Variants in ZNF559 observed in about 807,000 individuals in gnomAD.
ZNF559 encodes the protein putative protein product of Nbla00121.
A neutral mutation model predicts 14.2 loss-of-function variants in ZNF559; 17 were observed. The ratio of observed to expected loss-of-function variants is 1.20; its 90% CI spans 0.82 to 1.80. The LOEUF is 1.80. ZNF559 is among the 40% of genes most tolerant of loss of function. ZNF559 has a pLI of 0.00. For synonymous variants in ZNF559, 244 were observed against 212.4 expected, an observed-to-expected ratio of 1.15 and a Z score of -1.29; for missense variants, 740 against 629.7, an observed-to-expected ratio of 1.18 and a Z score of -1.88.
chr19:9,337,097 C>G (rs1489598903), intron 2 of ZNF559, among the ~76,000 whole-genome samples: 1 of 152,140 alleles, frequency 6.6e-6, no homozygotes, highest in Non-Finnish European at 1.5e-5. Flanking sequence ...CAAACTGTTG[C>G]CAACTAGGGA....
chr19:9,327,593 C>G (rs2066689883), intron 2 of ZNF559, among the ~76,000 whole-genome samples: 1 of 152,312 alleles, frequency 6.6e-6, no homozygotes, highest in East Asian at 1.9e-4. Flanking sequence ...TCTCCTGAAC[C>G]TGTTTTTACA....
rs369449814 is a variant in ZNF559, at chr19:9,342,751, G to A, written c.1300G>A (p.Glu434Lys). ...LIRHLRSHSA[E>K]RPFECEECGK... ...TCGACATTTGAGAAGTCACAGTGCA[G>A]AAAGGCCTTTTGAATGTGAGGAATG... The change falls in exon 7 of 7, where the codon GAA becomes AAA. Residue 434 changes from glutamate (E) to lysine (K), a missense_variant. By Grantham distance (56) the Glu-to-Lys change is moderately conservative. Transcript: ENST00000603380. The A allele has an allele frequency of 6.8e-6, 11 of 1,614,068 alleles. No individual in the cohort carries two copies. The highest frequency in any genetic ancestry group is 2.7e-5 in the African/African-American group (2 of 74,928).
chr19:9,327,779 T>C (rs928188145), intron 2 of ZNF559, among the ~76,000 whole-genome samples: 2 of 152,150 alleles, frequency 1.3e-5, no homozygotes, highest in African/African-American at 4.8e-5. Flanking sequence ...CACTGTATTA[T>C]AATCAATTCC....
At chr19:9,325,165 C>T (rs1599272555) in intron 2 of ZNF559, among the ~76,000 whole-genome samples, 2 of 152,068 alleles carry the variant, frequency 1.3e-5, no homozygotes, top group African/African-American at 2.4e-5. Flanking sequence ...TTACTGAGGG[C>T]GGGGCAAGGT....
chr19:9,324,038 C>A (rs115157305), upstream of ZNF559: 1,132 of 956,816 alleles, frequency 1.2e-3, 2 homozygotes, highest in Non-Finnish European at 1.5e-3. Flanking sequence ...GTGACACTTG[C>A]GCTCTTCGGG....
chr19:9,338,481 T>C lies in ZNF559; in HGVS notation c.-56-13T>C. On this transcript the variant is annotated splice_polypyrimidine_tract_variant and intron_variant, in intron 3 of 6. Transcript: ENST00000603380. Reference sequence around the variant, plus strand: ...GCAGCCTGGATTCTCAGATTTTATTTCTTCTTCTTAAGATCATCTTTCTCA... The same window carrying C: ...GCAGCCTGGATTCTCAGATTTTATTCCTTCTTCTTAAGATCATCTTTCTCA... 1 of 1,605,900 alleles carries C rather than the reference T, an allele frequency of 6.2e-7. No homozygotes were observed. The highest frequency in any genetic ancestry group is 8.5e-7 in the Non-Finnish European group (1 of 1,173,582).
chr19:9,342,633 T>C lies in ZNF559; in HGVS notation c.1182T>C (p.Ser394=). ...GTGGAAAAGCCTTTATTAATTCCTC[T>C]TCCTTTAAAAGTCACATGCAGACTC... ...KECGKAFINS[S]SFKSHMQTHP... is the part of the protein sequence containing the mutation. The change falls in exon 7 of 7, where the codon TCT becomes TCC. Residue 394 remains serine (S), a synonymous_variant. Transcript: ENST00000603380. The C allele has an allele frequency of 6.2e-7, 1 of 1,613,924 alleles. No homozygotes were observed. Among genetic ancestry groups the C allele is most frequent in the Non-Finnish European group, 8.5e-7 (1 of 1,179,974 alleles).
rs763306610 is a variant in ZNF559 at position 9,341,681 on chromosome 19, A to AT, written c.244-10dup. 6 of 1,599,266 alleles carry AT rather than the reference A, an allele frequency of 3.8e-6. No homozygotes were observed. In the South Asian group the frequency reaches 5.6e-5, roughly 15 times the overall value. ...GGAAAACTTCTATGAACCATCATTAATTTTCACCAACAGGAGAGAAACCAT... is the reference window on the plus strand; with the variant it reads ...GGAAAACTTCTATGAACCATCATTAATTTTTCACCAACAGGAGAGAAACCAT... On this transcript the variant is annotated splice_polypyrimidine_tract_variant and intron_variant, in intron 6 of 6. Coordinates refer to ENST00000603380, the MANE Select transcript of ZNF559 (RefSeq NM_032497.3).
intron 2 of ZNF559, among the ~76,000 whole-genome samples, chr19:9,327,541 G>A (rs758507123): frequency 4.6e-5 from 7 of 152,098 alleles, no homozygotes; most frequent in African/African-American, 7.2e-5. Context: ...GAGCTACCGC[G>A]CCTGGCCTCA....
chr19:9,338,003 G>T (rs1481391464), intron 3 of ZNF559, 145 bp downstream of exon 3: 4 of 1,535,974 alleles, frequency 2.6e-6, no homozygotes, highest in Non-Finnish European at 3.5e-6. Context: ...CTGGCCATTG[G>T]TCTTTCCCTT....
intron 2 of ZNF559, among the ~76,000 whole-genome samples, chr19:9,327,822 T>C (rs913178728): frequency 1.3e-5 from 2 of 152,178 alleles, no homozygotes; most frequent in Admixed American, 6.5e-5. Context: ...ACTGTCCCAA[T>C]TTTGACCAAT....
At chr19:9,339,034 C>T (rs1192615323) in intron 4 of ZNF559, among the ~76,000 whole-genome samples, 159 bp from the exon 5 acceptor site, 24 of 152,080 alleles carry the variant, frequency 1.6e-4, no homozygotes, top group Admixed American at 1.4e-3. Flanking sequence ...ATGAGATCAC[C>T]GGTGAATATG....
rs779299125 is a variant in ZNF559, at chr19:9,342,712, T to C, written c.1261T>C (p.Ser421Pro). 1.7e-5 allele frequency: 28 copies of C among 1,614,086 alleles called. No homozygotes were observed. In the African/African-American group the frequency reaches 3.6e-4, roughly 21 times the overall value. Reference protein sequence around the residue: ...CQQCGKAFIRSSFLIRHLRSH... With the variant: ...CQQCGKAFIRPSFLIRHLRSH... ...ACAGTGTGGGAAAGCCTTCATTCGA[T>C]CCTCATTTCTTATTCGACATTTGAG... Residue 421 changes from serine to proline, a missense_variant, in exon 7 of 7, where the codon TCC (serine) becomes CCC (proline). By Grantham distance (74) the Ser-to-Pro change is moderately conservative. Coordinates refer to ENST00000603380, the MANE Select transcript of ZNF559 (RefSeq NM_032497.3).
chr19:9,341,458 A>C, intron 6 of ZNF559: 1 of 814,178 alleles, frequency 1.2e-6, no homozygotes. Context: ...TTATCAGCTA[A>C]GCTCTATTTA....
rs183261142 is a variant in ZNF559 at position 9,343,612 on chromosome 19, A to C, written c.*544A>C. On this transcript the variant is annotated 3_prime_UTR_variant, in exon 7 of 7. Coordinates refer to ENST00000603380, the MANE Select transcript of ZNF559 (RefSeq NM_032497.3). ...TAGCTTCCACTTTGGGAACATGTCA[A>C]AGCACACATTGAGAAGTCCCATGAG... 11 of 990,894 alleles carry C rather than the reference A, an allele frequency of 1.1e-5. No individual in the cohort carries two copies. The highest frequency in any genetic ancestry group is 1.7e-5 in the African/African-American group (1 of 57,260). The allele number at this position is 990,894 out of a possible 1,614,324, so 61.4% of individuals were successfully genotyped here.
chr19:9,326,238 T>C (rs1374148607), intron 2 of ZNF559, among the ~76,000 whole-genome samples: 1 of 150,082 alleles, frequency 6.7e-6, no homozygotes, highest in Non-Finnish European at 1.5e-5. Context: ...GCCTCCCAAG[T>C]AGCTGGAATT....
At chr19:9,333,371 A>G (rs1276021508) in intron 2 of ZNF559, among the ~76,000 whole-genome samples, 1 of 152,212 alleles carries the variant, frequency 6.6e-6, no homozygotes, top group Admixed American at 6.5e-5. Context: ...TATCCTGCCA[A>G]ATTCCCTAGT....
chr19:9,328,120 C>T (rs2066727291), intron 2 of ZNF559, among the ~76,000 whole-genome samples: 1 of 151,958 alleles, frequency 6.6e-6, no homozygotes, highest in South Asian at 2.1e-4. Flanking sequence ...GTTTGTATCT[C>T]TTATCTCTTA....
At position 9,341,795 on chromosome 19, in the gene ZNF559, G is replaced by C; in HGVS notation, c.344G>C (p.Arg115Thr). ...CLKTHRRTYF[R>T]KKTCECNQCE... Reference sequence around the variant, plus strand: ...AAGACTCACAGGAGAACTTACTTTAGAAAGAAAACCTGTGAGTGTAATCAA... The same window carrying C: ...AAGACTCACAGGAGAACTTACTTTACAAAGAAAACCTGTGAGTGTAATCAA... The change falls in exon 7 of 7, where the codon AGA (arginine) becomes ACA (threonine). Residue 115 changes from arginine (R) to threonine (T), a missense_variant. Coordinates refer to ENST00000603380, the MANE Select transcript of ZNF559 (RefSeq NM_032497.3). 1 of 1,608,722 alleles carries C rather than the reference G, an allele frequency of 6.2e-7. No homozygotes were observed. The highest frequency in any genetic ancestry group is 8.5e-7 in the Non-Finnish European group (1 of 1,178,642).
Sources: allele counts gnomAD v4.1 joint callset (sites outside exome capture counted in the v4.1 genomes callset), GRCh38; gene constraint gnomAD v4.1.1; transcripts MANE v1.5; gene names NCBI Gene and HGNC (gene_info 2026-07-23, HGNC 2026-07-21).